The following LRP1B variants were observed in gnomAD, a reference collection of about 807,000 sequenced individuals.
LRP1B encodes low-density lipoprotein receptor-related protein 1B.
A neutral mutation model predicts 556.6 loss-of-function variants in LRP1B; 217 were observed. That is an observed-to-expected ratio of 0.39 (90% confidence interval 0.35 to 0.44). The LOEUF (loss-of-function observed/expected upper bound fraction) is 0.44, where lower values mean the gene tolerates loss of function less well. Ranked by LOEUF, LRP1B falls within the 20% of genes least tolerant of loss-of-function variation. The probability of loss-of-function intolerance (pLI) is 1.00; values close to 1 mark genes in which losing one functional copy is unlikely to be tolerated. For synonymous variants in LRP1B, 2,047 were observed against 1,865.8 expected, an observed-to-expected ratio of 1.10 and a Z score of -2.50; for missense variants, 5,053 against 5,620.8, an observed-to-expected ratio of 0.90 and a Z score of 3.23.
intron 1 of LRP1B, among the ~76,000 whole-genome samples, chr2:141,911,917 T>C (rs916466): frequency 0.86 from 130,306 of 151,900 alleles, 56,070 homozygotes; most frequent in East Asian, 1. Flanking sequence ...GATTGGCTCC[T>C]AAATCTCATG....
At chr2:141,319,815 C>A (rs183422164) in intron 3 of LRP1B, among the ~76,000 whole-genome samples, 72 of 152,134 alleles carry the variant, frequency 4.7e-4, no homozygotes, top group Admixed American at 1.6e-3. Context: ...GTCTGTCTTG[C>A]TGGGTTACAA....
intron 3 of LRP1B, among the ~76,000 whole-genome samples, chr2:141,450,808 T>G (rs1261785657): frequency 6.6e-6 from 1 of 152,138 alleles, no homozygotes. Flanking sequence ...ATAGATATTT[T>G]TCTTGTCATA....
chr2:140,784,331 C>G (rs528801421), intron 32 of LRP1B, among the ~76,000 whole-genome samples: 1 of 149,136 alleles, frequency 6.7e-6, no homozygotes, highest in Non-Finnish European at 1.5e-5. Context: ...GGGAAACTGT[C>G]TAGACCAATG....
At chr2:142,116,281 T>C (rs1707273818) in intron 1 of LRP1B, among the ~76,000 whole-genome samples, 1 of 151,510 alleles carries the variant, frequency 6.6e-6, no homozygotes, top group African/African-American at 2.4e-5. Flanking sequence ...GGGTATATTG[T>C]CATGCATTTC....
intron 2 of LRP1B, among the ~76,000 whole-genome samples, chr2:141,707,771 G>T (rs1418672286): frequency 6.6e-6 from 1 of 152,150 alleles, no homozygotes; most frequent in African/African-American, 2.4e-5. Flanking sequence ...AACAATGACT[G>T]CAATAAAAGA....
chr2:140,746,806 A>G (rs1049238383), intron 35 of LRP1B, among the ~76,000 whole-genome samples: 2 of 152,112 alleles, frequency 1.3e-5, no homozygotes, highest in African/African-American at 4.8e-5. Flanking sequence ...TAAAAGGAAA[A>G]TATTTTGGCC....
chr2:141,107,277 A>G (rs1013156417), intron 7 of LRP1B, among the ~76,000 whole-genome samples: 2 of 152,144 alleles, frequency 1.3e-5, no homozygotes, highest in Admixed American at 6.5e-5. Flanking sequence ...TTATAGGGTG[A>G]TTTATGCACT....
intron 2 of LRP1B, among the ~76,000 whole-genome samples, chr2:141,484,194 T>A (rs1250831681): frequency 1.4e-5 from 2 of 147,162 alleles, no homozygotes. Flanking sequence ...TAGCCAGTTT[T>A]CCCAGCACCA....
chr2:141,008,241 C>T (rs1292486576), intron 14 of LRP1B, among the ~76,000 whole-genome samples: 1 of 151,340 alleles, frequency 6.6e-6, no homozygotes, highest in African/African-American at 2.4e-5. Context: ...AGCAATCCCA[C>T]AGCTAGTTAC....
At chr2:140,765,035 C>T (rs59171478) in intron 35 of LRP1B, among the ~76,000 whole-genome samples, 13,057 of 151,936 alleles carry the variant, frequency 0.086, 895 homozygotes, top group African/African-American at 0.18. Flanking sequence ...CACTATACTG[C>T]CCAGGCTAGC....
At chr2:141,171,195 A>C (rs1680483833) in intron 7 of LRP1B, among the ~76,000 whole-genome samples, 1 of 152,090 alleles carries the variant, frequency 6.6e-6, no homozygotes, top group Non-Finnish European at 1.5e-5. Context: ...ATTGTTAACT[A>C]AAGTCCATAG....
chr2:140,455,751 C>T lies in LRP1B; in HGVS notation c.9963+704G>A, dbSNP rs145173308. On this transcript the variant is annotated intron_variant, in intron 62 of 90. Transcript: ENST00000389484. The stretch of plus-strand genomic sequence containing the variant: ...AAATCATTGCTAGTAACTAGAAAAT[C>T]AGCAAACTCAAACATAGAATTCTAA... 3.2e-3 allele frequency among the ~76,000 whole-genome samples: 482 copies of T among 152,228 alleles called. 2 individuals carry two copies. Among genetic ancestry groups the T allele is most frequent in the African/African-American group, 0.011 (455 of 41,542 alleles).
At chr2:140,898,721 G>GC in intron 23 of LRP1B, 1 of 531,216 alleles carries the variant, frequency 1.9e-6, no homozygotes, top group South Asian at 1.5e-5. Context: ...TGAGAGAGCT[G>GC]CCATCTACCT....
At chr2:140,858,501 G>GAGAGAGA (rs1553546810) in intron 27 of LRP1B, among the ~76,000 whole-genome samples, 31 of 139,898 alleles carry the variant, frequency 2.2e-4, no homozygotes, top group Non-Finnish European at 3.4e-4. Flanking sequence ...TTATATATAT[G>GAGAGAGA]GAGAGAGAGA....
chr2:141,997,072 G>A (rs181857488), intron 1 of LRP1B, among the ~76,000 whole-genome samples: 1 of 152,110 alleles, frequency 6.6e-6, no homozygotes, highest in African/African-American at 2.4e-5. Flanking sequence ...CAAGAACCAA[G>A]TGGGCTTAGA....
intron 41 of LRP1B, among the ~76,000 whole-genome samples, chr2:140,605,667 T>TCCTC (rs1192725499): frequency 2.0e-5 from 3 of 151,672 alleles, no homozygotes; most frequent in Non-Finnish European, 4.4e-5. Flanking sequence ...TCCGTTTCTT[T>TCCTC]CCTCCCTCCC....
At chr2:141,838,017 G>T (rs865833527) in intron 1 of LRP1B, among the ~76,000 whole-genome samples, 1 of 152,004 alleles carries the variant, frequency 6.6e-6, no homozygotes, top group African/African-American at 2.4e-5. Flanking sequence ...ACGTGGAGCC[G>T]GGTAGGGTCC....
intron 3 of LRP1B, among the ~76,000 whole-genome samples, chr2:141,421,549 A>T (rs1404297315): frequency 3.5e-5 from 5 of 142,120 alleles, no homozygotes; most frequent in Non-Finnish European, 6.2e-5. Flanking sequence ...AAAAAAATTT[A>T]CCTCTTTCAT....
intron 2 of LRP1B, among the ~76,000 whole-genome samples, chr2:141,618,921 AT>A (rs1458768773): frequency 6.6e-6 from 1 of 152,202 alleles, no homozygotes; most frequent in Non-Finnish European, 1.5e-5. Flanking sequence ...AGGAAAATAC[AT>A]TATATATTGG....
Sources: allele counts gnomAD v4.1 joint callset (sites outside exome capture counted in the v4.1 genomes callset), GRCh38; gene constraint gnomAD v4.1.1; transcripts MANE v1.5; gene names NCBI Gene and HGNC (gene_info 2026-07-23, HGNC 2026-07-21).